Variants in FBXW10 observed in about 807,000 individuals in gnomAD.
FBXW10 encodes F-box and WD repeat domain containing 10.
In FBXW10, 68 loss-of-function variants were observed where a neutral mutation model predicts 113.1. The observed-to-expected ratio is 0.60, with a 90% CI of 0.49 to 0.74. FBXW10 has a LOEUF of 0.74. Ranked by LOEUF, FBXW10 falls within the 30% of genes least tolerant of loss-of-function variation. The pLI, the probability that FBXW10 is intolerant of heterozygous loss-of-function variation, is 0.00. For missense variants in FBXW10, 753 were observed against 1,284.5 expected (o/e 0.59, Z 6.32); for synonymous variants, 289 against 481.6 (o/e 0.60, Z 5.24).
chr17:18,776,997 A>G (rs1383583669), intron 13 of FBXW10, among the ~76,000 whole-genome samples: 2 of 151,894 alleles, frequency 1.3e-5, no homozygotes, highest in Non-Finnish European at 2.9e-5. Context: ...TTATAAAAGG[A>G]GAAAAATTCT....
intron 10 of FBXW10, among the ~76,000 whole-genome samples, 154 bp downstream of exon 10, chr17:18,768,830 C>A (rs1465333786): frequency 6.6e-6 from 1 of 152,018 alleles, no homozygotes; most frequent in East Asian, 1.9e-4. Context: ...CACCTGGGAC[C>A]CATTTTTCCC....
chr17:18,763,919 G>A (rs1463166785), intron 7 of FBXW10, among the ~76,000 whole-genome samples: 1 of 146,526 alleles, frequency 6.8e-6, no homozygotes, highest in Non-Finnish European at 1.5e-5. Flanking sequence ...CACTATTCCA[G>A]TGTTATCTCC....
chr17:18,768,051 C>CTTCT (rs1555537895), intron 9 of FBXW10, among the ~76,000 whole-genome samples: 119 of 91,778 alleles, frequency 1.3e-3, no homozygotes, highest in African/African-American at 4.0e-3. Context: ...TCCTTCCTTC[C>CTTCT]TTCTTTCTTT....
At chr17:18,771,105 T>TA (rs370339129) in intron 11 of FBXW10, among the ~76,000 whole-genome samples, 10,100 of 138,664 alleles carry the variant, frequency 0.073, 400 homozygotes, top group South Asian at 0.12. Flanking sequence ...GTCATGCTGC[T>TA]AAAAAAAAAA....
chr17:18,771,422 G>A (rs957508107), intron 11 of FBXW10, among the ~76,000 whole-genome samples: 2 of 152,196 alleles, frequency 1.3e-5, no homozygotes, highest in African/African-American at 4.8e-5. Flanking sequence ...GGGTTAGGGA[G>A]GCAGTGCTGT....
chr17:18,764,358 C>T (rs1302320428), intron 7 of FBXW10, among the ~76,000 whole-genome samples: 34 of 152,008 alleles, frequency 2.2e-4, no homozygotes, highest in Non-Finnish European at 3.8e-4. Context: ...CACACCACCA[C>T]GCCCAGCTAA....
Position 18,772,587 on chromosome 17 carries a change from G to T in FBXW10, c.2182G>T (p.Glu728Ter), listed in dbSNP as rs770209628. ...KCNIQVHSPR[E>*]SVSSKQTVIQ... ...TAATATTCAGGTTCACAGCCCAAGA[G>T]AGTCTGTATCCAGTAAACAAACTGT... The change falls in exon 12 of 14, where the codon GAG (glutamate) becomes TAG (stop). Residue 728 changes from glutamate (E) to a stop codon, truncating the protein, a stop_gained. Transcript: ENST00000395665. LOFTEE classifies it high-confidence loss of function. The T allele has an allele frequency of 5.0e-6, 8 of 1,613,610 alleles. No homozygotes were observed. The East Asian group carries it at 6.7e-5, about 13-fold the overall frequency.
In FBXW10 at chr17:18,769,908, C is replaced by T; in HGVS notation, c.1848-19C>T. 1 of 1,613,174 alleles carries T rather than the reference C, an allele frequency of 6.2e-7. No homozygotes were observed. The highest frequency in any genetic ancestry group is 8.5e-7 in the Non-Finnish European group (1 of 1,179,550). On this transcript the variant is annotated intron_variant, in intron 10 of 13. Coordinates refer to ENST00000395665, the MANE Select transcript of FBXW10 (RefSeq NM_001267585.2). ...TTTACGAGAGGATGGGTACTGCCTG[C>T]TACTCTGTTCCCTTCCAGGGAGGTG...
intron 13 of FBXW10, among the ~76,000 whole-genome samples, chr17:18,776,889 G>A (rs149915973): frequency 2.0e-5 from 3 of 151,972 alleles, no homozygotes; most frequent in Non-Finnish European, 2.9e-5. Context: ...ATTGTATGAT[G>A]AGGATCTGTA....
At position 18,750,967 on chromosome 17, in the gene FBXW10, A is replaced by G. The variant is rs1395087427; in HGVS notation, c.1036A>G (p.Asn346Asp). The change falls in exon 5 of 14, where the codon AAT becomes GAT. Residue 346 changes from asparagine to aspartate, a missense_variant. Coordinates refer to ENST00000395665, the MANE Select transcript of FBXW10 (RefSeq NM_001267585.2). ...AAGAGGAATTGATCCTAATTATGCC[A>G]ATAAGGTTTCTATCCCAGTTCCTAA... ...YTRGIDPNYA[N>D]KVSIPVPKMV... The G allele has an allele frequency of 1.2e-6, 2 of 1,614,118 alleles. No homozygotes were observed. Among genetic ancestry groups the G allele is most frequent in the South Asian group, 1.1e-5 (1 of 91,086 alleles).
At chr17:18,756,701 G>A (rs978931172) in intron 6 of FBXW10, among the ~76,000 whole-genome samples, 6 of 152,134 alleles carry the variant, frequency 3.9e-5, no homozygotes, top group Admixed American at 6.5e-5. Context: ...TATGACAATC[G>A]TATTTATAAT....
chr17:18,758,836 G>A lies in FBXW10; in HGVS notation c.1433+331G>A, dbSNP rs911110940. Among the ~76,000 whole-genome samples, 4 of 150,332 alleles carry A rather than the reference G, an allele frequency of 2.7e-5. No homozygotes were observed. In the East Asian group the frequency reaches 7.8e-4, roughly 29 times the overall value. On this transcript the variant is annotated intron_variant, in intron 7 of 13. Coordinates refer to ENST00000395665, the MANE Select transcript of FBXW10 (RefSeq NM_001267585.2). ...CTTTCAGGGGAACGTGGTTTTTATG[G>A]GTTTGAGACAGACTATAGAGGCAAA...
At chr17:18,764,999 C>T (rs2035464379) in intron 8 of FBXW10, 136 bp downstream of exon 8, 3 of 1,576,876 alleles carry the variant, frequency 1.9e-6, no homozygotes, top group Non-Finnish European at 2.6e-6. Flanking sequence ...ACCCACCCAC[C>T]CATCCTTCCT....
chr17:18,778,988 C>G lies in FBXW10; in HGVS notation c.2849C>G (p.Pro950Arg). The change falls in exon 14 of 14, where the codon CCA becomes CGA. Residue 950 changes from proline to arginine, a missense_variant. Coordinates refer to ENST00000395665, the MANE Select transcript of FBXW10 (RefSeq NM_001267585.2). The stretch of plus-strand genomic sequence containing the variant: ...CTGACCAGTATGCAGGTCATTAAAC[C>G]AAACCGCATGCTAGCTCCACAAGTG... ...GPLTSMQVIKPNRMLAPQVGT... is the reference protein window; with the variant it reads ...GPLTSMQVIKRNRMLAPQVGT... 1 of 1,601,062 alleles carries G rather than the reference C, an allele frequency of 6.2e-7. No homozygotes were observed. Among genetic ancestry groups the G allele is most frequent in the Non-Finnish European group, 8.5e-7 (1 of 1,172,708 alleles).
At chr17:18,770,651 G>A (rs2151827114) in intron 11 of FBXW10, among the ~76,000 whole-genome samples, 1 of 152,188 alleles carries the variant, frequency 6.6e-6, no homozygotes, top group Admixed American at 6.5e-5. Context: ...TGCAGTGGGT[G>A]CAACATAACG....
At position 18,775,134 on chromosome 17, in the gene FBXW10, A is replaced by C; in HGVS notation, c.2279-2A>C. ...ACAGCTTCTTCCTCAATCTCAATTT[A>C]GCAGTGTTAATAGAGGAACTTCAAA... On this transcript the variant is annotated splice_acceptor_variant, in intron 12 of 13. Coordinates refer to ENST00000395665, the MANE Select transcript of FBXW10 (RefSeq NM_001267585.2). LOFTEE classifies it high-confidence loss of function. 6 of 1,601,836 alleles carry C rather than the reference A, an allele frequency of 3.7e-6. No homozygotes were observed. The highest frequency in any genetic ancestry group is 5.1e-6 in the Non-Finnish European group (6 of 1,168,944).
intron 1 of FBXW10, among the ~76,000 whole-genome samples, chr17:18,745,947 T>G (rs2035032181): frequency 6.6e-6 from 1 of 152,220 alleles, no homozygotes; most frequent in African/African-American, 2.4e-5. Flanking sequence ...TTTATTTGGC[T>G]CACAGTTCTG....
At position 18,750,088 on chromosome 17, in the gene FBXW10, T is replaced by C. The variant is rs2035132111; in HGVS notation, c.950T>C (p.Met317Thr). 1.2e-6 allele frequency: 2 copies of C among 1,612,994 alleles called. No individual in the cohort carries two copies. Among genetic ancestry groups the C allele is most frequent in the Admixed American group, 1.7e-5 (1 of 59,870 alleles). Residue 317 changes from methionine to threonine, a missense_variant, in exon 4 of 14, where the codon ATG (methionine) becomes ACG (threonine). Coordinates refer to ENST00000395665, the MANE Select transcript of FBXW10 (RefSeq NM_001267585.2). ...HWAAMAQQVK[M>T]DLSAHGFIQN... is the part of the protein sequence containing the mutation. ...GCCGCCATGGCTCAACAGGTCAAGA[T>C]GGACTTGTCAGCGCACGGCTTCATT...
intron 7 of FBXW10, among the ~76,000 whole-genome samples, chr17:18,760,481 A>G (rs1170970873): frequency 1.3e-5 from 2 of 152,248 alleles, no homozygotes; most frequent in Admixed American, 1.3e-4. Context: ...CTGTGTTCAT[A>G]GTATCTACAT....
Sources: allele counts gnomAD v4.1 joint callset (sites outside exome capture counted in the v4.1 genomes callset), GRCh38; gene constraint gnomAD v4.1.1; transcripts MANE v1.5; gene names NCBI Gene and HGNC (gene_info 2026-07-23, HGNC 2026-07-21).